INSL6: variants seen among roughly 807,000 people sequenced by gnomAD.
The protein encoded by INSL6 is insulin like 6.
INSL6 carries 16 observed loss-of-function variants against 9.4 expected under a neutral mutation model. The observed-to-expected ratio is 1.70, with a 90% CI of 1.15 to 2.59. The LOEUF is 2.59. Among genes scored for constraint, INSL6 ranks in the 30% most tolerant of loss-of-function variants. The probability of loss-of-function intolerance (pLI) is 0.00; values close to 1 mark genes in which losing one functional copy is unlikely to be tolerated. For missense variants in INSL6, 391 were observed against 257.3 expected, an observed-to-expected ratio of 1.52 and a Z score of -3.56; for synonymous variants, 154 against 96.9, an observed-to-expected ratio of 1.59 and a Z score of -3.46.
At chr9:5,064,675 T>C in the INSL6 span, among the ~76,000 whole-genome samples, 1 of 152,220 alleles carries the variant, frequency 6.6e-6, no homozygotes, top group African/African-American at 2.4e-5. Context: ...TAGAGTGAAC[T>C]ATAACTGGGA....
intron 3 of INSL6, among the ~76,000 whole-genome samples, chr9:5,131,310 T>G (rs1382810430): frequency 6.6e-6 from 1 of 152,126 alleles, no homozygotes; most frequent in Non-Finnish European, 1.5e-5. Context: ...TTTATTATTA[T>G]GTCCTTAGTA....
chr9:5,075,678 T>G, the INSL6 span, among the ~76,000 whole-genome samples: 2 of 152,290 alleles, frequency 1.3e-5, no homozygotes, highest in African/African-American at 2.4e-5. Context: ...AGAGCTCTGA[T>G]GGAGATGTAC....
the INSL6 span, among the ~76,000 whole-genome samples, chr9:5,082,490 A>G: frequency 2.3e-4 from 35 of 152,352 alleles, no homozygotes; most frequent in African/African-American, 8.2e-4. Context: ...GAACAAATGT[A>G]TAATTGGGTT....
chr9:5,118,702 A>G, the INSL6 span, among the ~76,000 whole-genome samples: 5 of 152,346 alleles, frequency 3.3e-5, no homozygotes, highest in African/African-American at 1.2e-4. Flanking sequence ...GTGGACAGGA[A>G]TGGAAGGAGT....
intron 2 of INSL6, among the ~76,000 whole-genome samples, chr9:5,141,590 C>G (rs1824502983): frequency 6.6e-6 from 1 of 151,130 alleles, no homozygotes; most frequent in Non-Finnish European, 1.5e-5. Flanking sequence ...AAATTTGTTT[C>G]TAAGTTCCTT....
chr9:5,127,281 T>G (rs982886865), intron 3 of INSL6: 1 of 232,550 alleles, frequency 4.3e-6, no homozygotes, highest in African/African-American at 2.2e-5. Flanking sequence ...AATTAATTAC[T>G]TCACTATACA....
At chr9:5,178,455 T>TGGCACTGATCCA (rs1454992338) in intron 1 of INSL6, among the ~76,000 whole-genome samples, 2 of 151,214 alleles carry the variant, frequency 1.3e-5, no homozygotes, top group East Asian at 3.9e-4. Context: ...TCCATTACTC[T>TGGCACTGATCCA]TCACTGGGCA....
At chr9:5,073,683 T>G in the INSL6 span, 1 of 1,585,014 alleles carries the variant, frequency 6.3e-7, no homozygotes, top group Non-Finnish European at 8.6e-7. Context: ...TCTTTGTACT[T>G]TTTTTTTTCC....
the INSL6 span, among the ~76,000 whole-genome samples, chr9:5,087,234 T>TA: frequency 1.3e-5 from 2 of 152,294 alleles, no homozygotes; most frequent in East Asian, 3.9e-4. Flanking sequence ...TCAGGAAACT[T>TA]ACAGTCATGG....
chr9:5,115,775 G>T, the INSL6 span, among the ~76,000 whole-genome samples: 1 of 152,176 alleles, frequency 6.6e-6, no homozygotes, highest in Non-Finnish European at 1.5e-5. Context: ...CAAAGATGAA[G>T]CTAGAAACCA....
chr9:5,175,756 C>T (rs969641148), intron 1 of INSL6, among the ~76,000 whole-genome samples: 9 of 152,086 alleles, frequency 5.9e-5, no homozygotes, highest in South Asian at 4.2e-4. Flanking sequence ...CTAGGTTGCA[C>T]GCTCCTTATG....
chr9:5,160,030 GC>G (rs1824892423), downstream of INSL6, among the ~76,000 whole-genome samples: 1 of 152,034 alleles, frequency 6.6e-6, no homozygotes, highest in Non-Finnish European at 1.5e-5. Context: ...ACAAAAATTA[GC>G]CAGGTGTGGT....
chr9:5,011,046 C>G, the INSL6 span, among the ~76,000 whole-genome samples: 2 of 152,068 alleles, frequency 1.3e-5, no homozygotes, highest in Non-Finnish European at 2.9e-5. Flanking sequence ...TTAAGATTAT[C>G]TTTTTGTCTT....
chr9:5,161,712 T>C (rs1227722259), downstream of INSL6, among the ~76,000 whole-genome samples: 2 of 152,158 alleles, frequency 1.3e-5, no homozygotes, highest in Non-Finnish European at 2.9e-5. Flanking sequence ...AAAAAATGAT[T>C]AGAACTCATA....
At chr9:5,064,791 T>C in the INSL6 span, 5 of 923,156 alleles carry the variant, frequency 5.4e-6, no homozygotes, top group Middle Eastern at 3.5e-4. Context: ...TAGAAGAAAA[T>C]TGTATTTAAC....
At chr9:5,177,047 C>T (rs1403818273) in intron 1 of INSL6, among the ~76,000 whole-genome samples, 4 of 152,028 alleles carry the variant, frequency 2.6e-5, no homozygotes, top group Non-Finnish European at 5.9e-5. Context: ...ATTAGGATGA[C>T]TTTATGTAAT....
chr9:5,151,039 G>T (rs1278097441), intron 2 of INSL6, among the ~76,000 whole-genome samples: 1 of 152,148 alleles, frequency 6.6e-6, no homozygotes, highest in African/African-American at 2.4e-5. Flanking sequence ...GTACACACAT[G>T]GTTGTAAAGT....
chr9:5,090,413 A>G, the INSL6 span: 1 of 1,462,218 alleles, frequency 6.8e-7, no homozygotes, highest in Non-Finnish European at 9.2e-7. Flanking sequence ...AATATGGCAG[A>G]GTAAAACATT....
downstream of INSL6, among the ~76,000 whole-genome samples, chr9:5,121,983 A>T (rs1233672603): frequency 6.6e-6 from 1 of 152,154 alleles, no homozygotes. Flanking sequence ...ACATAACTAG[A>T]TATGTAAAAT....
Sources: allele counts gnomAD v4.1 joint callset (sites outside exome capture counted in the v4.1 genomes callset), GRCh38; gene constraint gnomAD v4.1.1; transcripts MANE v1.5; gene names NCBI Gene and HGNC (gene_info 2026-07-23, HGNC 2026-07-21).